The following DNAI1 variants were observed in gnomAD, a reference collection of about 807,000 sequenced individuals.
The protein encoded by DNAI1 is dynein, axonemal, intermediate polypeptide 1.
A neutral mutation model predicts 92.0 loss-of-function variants in DNAI1; 67 were observed. The ratio of observed to expected loss-of-function variants is 0.73; its 90% CI spans 0.60 to 0.89. The LOEUF is 0.89. Among genes scored for constraint, DNAI1 ranks in the 40% least tolerant of loss-of-function variants. DNAI1 has a pLI of 0.00. For synonymous variants in DNAI1, 323 were observed against 319.6 expected, an observed-to-expected ratio of 1.01 and a Z score of -0.11; for missense variants, 839 against 866.6, an observed-to-expected ratio of 0.97 and a Z score of 0.40.
At chr9:34,506,182 C>A (rs1035317729) in intron 12 of DNAI1, among the ~76,000 whole-genome samples, 2 of 152,044 alleles carry the variant, frequency 1.3e-5, no homozygotes, top group African/African-American at 4.8e-5. Flanking sequence ...GTAGACAATT[C>A]GATGTTAGTT....
chr9:34,502,219 C>T (rs1268456383), intron 12 of DNAI1, among the ~76,000 whole-genome samples: 1 of 152,226 alleles, frequency 6.6e-6, no homozygotes, highest in Admixed American at 6.5e-5. Context: ...GAGCTACTCC[C>T]AGTCTTGTGG....
intron 1 of DNAI1, among the ~76,000 whole-genome samples, chr9:34,472,822 A>G (rs1824165911): frequency 6.6e-6 from 1 of 151,930 alleles, no homozygotes; most frequent in Non-Finnish European, 1.5e-5. Context: ...GGATCCCTTG[A>G]GCCCAGGAGG....
Position 34,514,752 on chromosome 9 carries a change from G to GTCC in DNAI1, c.1818+15_1818+17dup. ...CACAGATGGGAAGGTGAGTGCCAGC[G>GTCC]TCCTGACTTCACTGAGTCCCTACTG... On this transcript the variant is annotated intron_variant, in intron 18 of 19. Transcript: ENST00000242317. The GTCC allele has an allele frequency of 7.4e-6, 12 of 1,613,580 alleles. No individual in the cohort carries two copies. Among genetic ancestry groups the GTCC allele is most frequent in the Non-Finnish European group, 1.0e-5 (12 of 1,179,770 alleles).
chr9:34,473,355 C>A (rs1410460217), intron 1 of DNAI1, among the ~76,000 whole-genome samples: 1 of 151,344 alleles, frequency 6.6e-6, no homozygotes, highest in African/African-American at 2.4e-5. Flanking sequence ...TGCAGTGGCA[C>A]GATGTCAGCT....
At chr9:34,494,115 C>G (rs1025742882) in intron 9 of DNAI1, among the ~76,000 whole-genome samples, 36 of 151,964 alleles carry the variant, frequency 2.4e-4, no homozygotes, top group African/African-American at 8.7e-4. Flanking sequence ...GGGACAATGT[C>G]CACAGGAATC....
chr9:34,497,231 T>C lies in DNAI1; in HGVS notation c.901+32T>C, dbSNP rs375552190. The C allele has an allele frequency of 3.0e-5, 47 of 1,548,954 alleles. No homozygotes were observed. The African/African-American group carries it at 6.0e-4, about 20-fold the overall frequency. On this transcript the variant is annotated intron_variant, in intron 10 of 19. Coordinates refer to ENST00000242317, the MANE Select transcript of DNAI1 (RefSeq NM_012144.4). The stretch of plus-strand genomic sequence containing the variant: ...GTTGAAGTTCTGGCAACCACTATTA[T>C]TGCCTGTATTAAAAATTTCTCATAA...
Position 34,519,540 on chromosome 9 carries a change from T to C in DNAI1, c.2002-1118T>C, listed in dbSNP as rs547805751. Among the ~76,000 whole-genome samples, 12 of 151,708 alleles carry C rather than the reference T, an allele frequency of 7.9e-5. No homozygotes were observed. The South Asian group carries it at 2.5e-3, about 32-fold the overall frequency. ...TTTTTTGTGCTCTGCCTGCAGAGGG[T>C]AGAGGTGAGCTAGGTAGTGGCAAAA... On this transcript the variant is annotated intron_variant, in intron 19 of 19. Transcript: ENST00000242317.
At chr9:34,506,377 G>A (rs556301990) in intron 12 of DNAI1, among the ~76,000 whole-genome samples, 2 of 152,296 alleles carry the variant, frequency 1.3e-5, no homozygotes, top group Admixed American at 1.3e-4. Context: ...GCACCTTGGG[G>A]AGAATTAGGA....
At chr9:34,509,292 C>T (rs1267567118) in intron 13 of DNAI1, among the ~76,000 whole-genome samples, 3 of 152,102 alleles carry the variant, frequency 2.0e-5, no homozygotes, top group African/African-American at 7.2e-5. Context: ...TGTGCAATGA[C>T]ATGGGGCATC....
chr9:34,471,173 T>G (rs1398628842), intron 1 of DNAI1, among the ~76,000 whole-genome samples: 1 of 152,134 alleles, frequency 6.6e-6, no homozygotes, highest in Non-Finnish European at 1.5e-5. Context: ...ATGCCTGTAA[T>G]CCCAGCACTT....
chr9:34,501,221 A>T (rs1824825489), intron 12 of DNAI1, 40 bp downstream of exon 12: 1 of 1,499,258 alleles, frequency 6.7e-7, no homozygotes. Context: ...TCATGTAAAC[A>T]GCAAACACTA....
intron 1 of DNAI1, among the ~76,000 whole-genome samples, chr9:34,481,493 A>C (rs1156661287): frequency 2.6e-5 from 4 of 152,332 alleles, no homozygotes; most frequent in Non-Finnish European, 5.9e-5. Context: ...GGGAAGGCTC[A>C]ACCTCCTTTT....
At chr9:34,491,036 G>A (rs906186611) in intron 7 of DNAI1, among the ~76,000 whole-genome samples, 2 of 152,360 alleles carry the variant, frequency 1.3e-5, no homozygotes, top group Middle Eastern at 3.4e-3. Context: ...ATCACCCTGT[G>A]TGGTCCCTAT....
intron 1 of DNAI1, among the ~76,000 whole-genome samples, chr9:34,472,893 C>T (rs948562014): frequency 9.3e-5 from 14 of 150,148 alleles, no homozygotes; most frequent in African/African-American, 2.7e-4. Context: ...GGAGTAAGAC[C>T]CTGACTAAAA....
intron 12 of DNAI1, among the ~76,000 whole-genome samples, chr9:34,503,775 A>G (rs192775967): frequency 6.6e-6 from 1 of 152,182 alleles, no homozygotes; most frequent in East Asian, 1.9e-4. Context: ...TAGTGAGCAC[A>G]ATAGGCTGCT....
intron 12 of DNAI1, among the ~76,000 whole-genome samples, chr9:34,505,006 G>A (rs539535466): frequency 5.4e-4 from 82 of 152,162 alleles, no homozygotes; most frequent in African/African-American, 1.9e-3. Context: ...AAAAAAAAGT[G>A]CCATCTATGG....
chr9:34,513,149 C>T lies in DNAI1; in HGVS notation c.1527C>T (p.Asp509=). The stretch of plus-strand genomic sequence containing the variant: ...CCTTTGACTTCCACAAAGAGATTGA[C>T]TACATGTTCCTAGTGGGCACAGAGG... ...GTAFDFHKEI[D]YMFLVGTEEG... The change falls in exon 16 of 20, where the codon GAC becomes GAT. Residue 509 remains aspartate, a synonymous_variant. Coordinates refer to ENST00000242317, the MANE Select transcript of DNAI1 (RefSeq NM_012144.4). 6.2e-7 allele frequency: 1 copy of T among 1,614,194 alleles called. No homozygotes were observed. The highest frequency in any genetic ancestry group is 8.5e-7 in the Non-Finnish European group (1 of 1,180,030).
chr9:34,512,878 C>T (rs1170220650), intron 15 of DNAI1, among the ~76,000 whole-genome samples: 2 of 152,268 alleles, frequency 1.3e-5, no homozygotes, highest in African/African-American at 2.4e-5. Flanking sequence ...CCATTCCTGT[C>T]TGCAGAACCC....
At position 34,460,366 on chromosome 9, in the gene DNAI1, C is replaced by T. The variant is rs939421745; in HGVS notation, c.48+1313C>T. Among the ~76,000 whole-genome samples the T allele has an allele frequency of 2.0e-5, 3 of 152,326 alleles. No individual in the cohort carries two copies. In the East Asian group the frequency reaches 5.8e-4, roughly 29 times the overall value. ...ATATATTTATTCCAGATTTACCCCA[C>T]TCAAGTCTAGGTACATTGAGGTTTA... On this transcript the variant is annotated intron_variant, in intron 1 of 19. Coordinates refer to ENST00000242317, the MANE Select transcript of DNAI1 (RefSeq NM_012144.4).
Sources: gnomAD v4.1 joint callset for allele counts (sites outside exome capture counted in the v4.1 genomes callset) on GRCh38, gnomAD v4.1.1 for gene constraint, MANE v1.5 for transcripts, NCBI Gene and HGNC (gene_info 2026-07-23, HGNC 2026-07-21) for gene names.